Variants in ZNF420 observed in about 807,000 individuals in gnomAD.
ZNF420 encodes ATM and p53-associated KZNF protein.
ZNF420 carries 31 observed loss-of-function variants against 44.7 expected under a neutral mutation model. That is an observed-to-expected ratio of 0.69 (90% CI 0.52 to 0.94). The LOEUF (loss-of-function observed/expected upper bound fraction) is 0.94. Ranked by LOEUF, ZNF420 falls within the 40% of genes least tolerant of loss-of-function variation. The pLI is 0.00. For synonymous variants in ZNF420, 245 were observed against 267.4 expected (o/e 0.92, Z 0.82); for missense variants, 681 against 827.9 (o/e 0.82, Z 2.18).
At chr19:37,020,000 A>G (rs1481725978) in intron 1 of ZNF420, among the ~76,000 whole-genome samples, 4 of 151,914 alleles carry the variant, frequency 2.6e-5, no homozygotes, top group Non-Finnish European at 4.4e-5. Flanking sequence ...GGCGGATCAT[A>G]AGGTCAGGAG....
At chr19:37,069,610 T>G (rs190115146) in intron 1 of ZNF420, among the ~76,000 whole-genome samples, 1 of 152,224 alleles carries the variant, frequency 6.6e-6, no homozygotes, top group East Asian at 1.9e-4. Context: ...ATTTTATAAT[T>G]AAGTGCTGAA....
intron 4 of ZNF420, chr19:37,107,545 T>G (rs1970161380): frequency 6.6e-6 from 1 of 152,136 alleles, no homozygotes; most frequent in South Asian, 2.1e-4. Context: ...AAACGGAGTC[T>G]CTTATGTCTA....
At chr19:37,070,282 A>T (rs1240051745) in intron 1 of ZNF420, among the ~76,000 whole-genome samples, 1 of 152,170 alleles carries the variant, frequency 6.6e-6, no homozygotes, top group Non-Finnish European at 1.5e-5. Context: ...GAATTCTAAG[A>T]GATTTTATAA....
chr19:37,013,799 C>G (rs1238119638), intron 1 of ZNF420, among the ~76,000 whole-genome samples: 2 of 152,222 alleles, frequency 1.3e-5, no homozygotes, highest in African/African-American at 4.8e-5. Flanking sequence ...AATCCAGGGA[C>G]TCCTGTATCC....
At chr19:37,060,827 G>A (rs1568433650) in intron 1 of ZNF420, among the ~76,000 whole-genome samples, 1 of 151,980 alleles carries the variant, frequency 6.6e-6, no homozygotes, top group East Asian at 1.9e-4. Flanking sequence ...CCTCTCCTCC[G>A]CTCCGGGGTG....
intron 4 of ZNF420, among the ~76,000 whole-genome samples, chr19:37,125,930 T>TA (rs1367592259): frequency 6.6e-6 from 1 of 151,960 alleles, no homozygotes; most frequent in Non-Finnish European, 1.5e-5. Context: ...TGGCAGGCCC[T>TA]ATCCTCCAGT....
intron 1 of ZNF420, among the ~76,000 whole-genome samples, chr19:37,066,368 G>A (rs1297922702): frequency 2.0e-5 from 3 of 151,996 alleles, no homozygotes; most frequent in Non-Finnish European, 4.4e-5. Context: ...GCTTTAACCC[G>A]GGAGGCAGAG....
At chr19:37,036,120 G>A (rs1319471628) in intron 1 of ZNF420, among the ~76,000 whole-genome samples, 1 of 152,050 alleles carries the variant, frequency 6.6e-6, no homozygotes, top group East Asian at 1.9e-4. Context: ...TGGTTAATGG[G>A]CACAAAAATA....
chr19:37,075,654 A>G (rs533723841), upstream of ZNF420, among the ~76,000 whole-genome samples: 3 of 152,236 alleles, frequency 2.0e-5, no homozygotes, highest in East Asian at 1.9e-4. Flanking sequence ...AGGCAGGAGA[A>G]TCACTTGAAC....
intron 2 of ZNF420, among the ~76,000 whole-genome samples, chr19:37,081,056 C>CAA (rs35087056): frequency 0.021 from 1,694 of 79,176 alleles, 36 homozygotes; most frequent in African/African-American, 0.044. Context: ...GACTCTGTCT[C>CAA]AAAAAAAAAA....
intron 1 of ZNF420, among the ~76,000 whole-genome samples, chr19:37,019,920 A>G (rs926658958): frequency 3.3e-5 from 5 of 151,966 alleles, no homozygotes; most frequent in Non-Finnish European, 5.9e-5. Context: ...AAACACCGCC[A>G]TTTTAAATTC....
chr19:37,107,854 C>A (rs77628599), intron 4 of ZNF420, among the ~76,000 whole-genome samples: 53 of 151,552 alleles, frequency 3.5e-4, no homozygotes, highest in Admixed American at 7.9e-4. Flanking sequence ...GGGCTTTGAT[C>A]CTTCAAAAAT....
At chr19:37,091,569 G>C (rs10403728) in intron 4 of ZNF420, 85,108 of 152,250 alleles carry the variant, frequency 0.56, 25,290 homozygotes, top group African/African-American at 0.75. Flanking sequence ...CTCAAATGAA[G>C]ACAACCCATT....
chr19:37,056,970 G>C (rs1198697253), intron 1 of ZNF420, among the ~76,000 whole-genome samples: 4 of 152,274 alleles, frequency 2.6e-5, no homozygotes, highest in African/African-American at 9.6e-5. Context: ...CTGACTTCCA[G>C]CAGCGGAGCG....
intron 4 of ZNF420, among the ~76,000 whole-genome samples, chr19:37,117,989 A>G (rs984445257): frequency 6.6e-6 from 1 of 152,238 alleles, no homozygotes; most frequent in Non-Finnish European, 1.5e-5. Flanking sequence ...GACCAAATCT[A>G]TGTCTGATTG....
chr19:37,040,567 A>G (rs1276220247), intron 1 of ZNF420, among the ~76,000 whole-genome samples: 2 of 152,228 alleles, frequency 1.3e-5, no homozygotes, highest in East Asian at 3.8e-4. Flanking sequence ...CACCTTTTAC[A>G]TTAGGAACAA....
At chr19:37,068,362 G>A (rs913836627) in intron 1 of ZNF420, among the ~76,000 whole-genome samples, 4 of 152,072 alleles carry the variant, frequency 2.6e-5, no homozygotes, top group East Asian at 1.9e-4. Context: ...ACAAATGGCC[G>A]GGCGCGGTGG....
At chr19:37,091,294 A>G in intron 4 of ZNF420, 173 bp downstream of exon 4, 1 of 565,378 alleles carries the variant, frequency 1.8e-6, no homozygotes, top group South Asian at 3.1e-5. Flanking sequence ...TATCTTTTCC[A>G]TCCTTCAAAA....
chr19:37,023,125 G>C (rs896111111), intron 1 of ZNF420, among the ~76,000 whole-genome samples: 1 of 150,008 alleles, frequency 6.7e-6, no homozygotes, highest in African/African-American at 2.5e-5. Flanking sequence ...GTGACAGAGC[G>C]AGACTCCGTC....
Sources: gnomAD v4.1 joint callset for allele counts (sites outside exome capture counted in the v4.1 genomes callset) on GRCh38, gnomAD v4.1.1 for gene constraint, MANE v1.5 for transcripts, NCBI Gene and HGNC (gene_info 2026-07-23, HGNC 2026-07-21) for gene names.